PARP11: variants seen among roughly 807,000 people sequenced by gnomAD.
PARP11 encodes poly(ADP-ribose) polymerase family member 11.
In PARP11, 31 loss-of-function variants were observed where a neutral mutation model predicts 42.9. That is an observed-to-expected ratio of 0.72 (90% confidence interval 0.54 to 0.98). PARP11 has a LOEUF of 0.98. Ranked by LOEUF, PARP11 falls within the 50% of genes least tolerant of loss-of-function variation. PARP11 has a pLI of 0.00. For synonymous variants in PARP11, 137 were observed against 127.3 expected, an observed-to-expected ratio of 1.08 and a Z score of -0.51; for missense variants, 365 against 413.1, an observed-to-expected ratio of 0.88 and a Z score of 1.01.
At position 3,828,987 on chromosome 12, in the gene PARP11, T is replaced by G. The variant is rs1382118309; in HGVS notation, c.191A>C (p.Glu64Ala). Residue 64 changes from glutamate (E) to alanine (A), a missense_variant, in exon 3 of 8, where the codon GAA becomes GCA. By Grantham distance (107) the Glu-to-Ala change is moderately radical. Transcript: ENST00000228820. Reference sequence around the variant, plus strand: ...ACAAGGGTTTGTTTTGAAGCTTTTTTCGATATCTTCACTGCTAACTGAACA... The same window carrying G: ...ACAAGGGTTTGTTTTGAAGCTTTTTGCGATATCTTCACTGCTAACTGAACA... ...SQCSVSSEDI[E>A]KSFKTNPCGS... 1 of 1,614,092 alleles carries G rather than the reference T, an allele frequency of 6.2e-7. No homozygotes were observed. The highest frequency in any genetic ancestry group is 8.5e-7 in the Non-Finnish European group (1 of 1,179,938).
intron 1 of PARP11, chr12:3,839,769 G>A (rs1049392238): frequency 2.1e-5 from 24 of 1,133,302 alleles, no homozygotes; most frequent in Non-Finnish European, 3.2e-5. Flanking sequence ...ATCCCGTAAA[G>A]TATAAAGAAA....
intron 1 of PARP11, among the ~76,000 whole-genome samples, chr12:3,835,291 G>A (rs1206551521): frequency 1.3e-5 from 2 of 152,180 alleles, no homozygotes; most frequent in African/African-American, 2.4e-5. Context: ...CAGGTTAAGA[G>A]GGGAAAAGTC....
At chr12:3,869,912 G>A (rs1948445847) in intron 1 of PARP11, among the ~76,000 whole-genome samples, 1 of 152,188 alleles carries the variant, frequency 6.6e-6, no homozygotes, top group African/African-American at 2.4e-5. Flanking sequence ...AAATAAGTGA[G>A]TGACATTACA....
intron 1 of PARP11, among the ~76,000 whole-genome samples, chr12:3,869,381 C>A (rs1277505326): frequency 6.6e-6 from 1 of 152,206 alleles, no homozygotes; most frequent in Admixed American, 6.5e-5. Context: ...CATGACACTT[C>A]CTTCAATGTG....
At chr12:3,855,877 T>A (rs1011456596) in intron 1 of PARP11, among the ~76,000 whole-genome samples, 3 of 152,116 alleles carry the variant, frequency 2.0e-5, no homozygotes, top group Non-Finnish European at 4.4e-5. Context: ...TTTCAAACTA[T>A]ACTAAAAGGC....
At chr12:3,842,079 CA>C in intron 1 of PARP11, 1 of 1,605,070 alleles carries the variant, frequency 6.2e-7, no homozygotes. Context: ...AGATTCTAAA[CA>C]GAGAGAGAGA....
intron 1 of PARP11, among the ~76,000 whole-genome samples, chr12:3,835,685 AAG>A (rs1192478974): frequency 6.6e-6 from 1 of 152,206 alleles, no homozygotes; most frequent in Admixed American, 6.5e-5. Context: ...AATATCAATA[AAG>A]AGAGAAATAA....
chr12:3,855,171 A>G (rs1948168997), intron 1 of PARP11, among the ~76,000 whole-genome samples: 2 of 152,254 alleles, frequency 1.3e-5, no homozygotes, highest in Admixed American at 6.5e-5. Context: ...CCCACAGCCA[A>G]TATCAAACTG....
At chr12:3,843,399 A>G (rs946912374) in intron 1 of PARP11, among the ~76,000 whole-genome samples, 1 of 152,220 alleles carries the variant, frequency 6.6e-6, no homozygotes, top group Non-Finnish European at 1.5e-5. Context: ...GATTCTAAAT[A>G]TTTTGTGAGA....
At chr12:3,828,286 C>T (rs952204764) in intron 3 of PARP11, among the ~76,000 whole-genome samples, 10 of 152,182 alleles carry the variant, frequency 6.6e-5, no homozygotes. Flanking sequence ...AGGTGGCTCA[C>T]GCCTGTAATC....
At chr12:3,862,457 AT>A (rs1490594391) in intron 1 of PARP11, among the ~76,000 whole-genome samples, 1 of 152,072 alleles carries the variant, frequency 6.6e-6, no homozygotes. Context: ...TCTCAAAAAA[AT>A]AAATATATGT....
chr12:3,863,426 A>T (rs1237154031), intron 1 of PARP11, among the ~76,000 whole-genome samples: 3 of 152,106 alleles, frequency 2.0e-5, no homozygotes, highest in Admixed American at 2.0e-4. Context: ...CTTGTTCTTG[A>T]TCTTAGGGAG....
chr12:3,833,760 T>C (rs924791562), intron 1 of PARP11, among the ~76,000 whole-genome samples: 1 of 152,214 alleles, frequency 6.6e-6, no homozygotes, highest in African/African-American at 2.4e-5. Flanking sequence ...CTGTGGCGTT[T>C]GAGTTACAAA....
chr12:3,866,659 AT>A (rs60554748), intron 1 of PARP11, among the ~76,000 whole-genome samples: 31,403 of 152,074 alleles, frequency 0.21, 4,027 homozygotes, highest in East Asian at 0.48. Context: ...CTTTCAGATT[AT>A]TTTTCACACA....
intron 1 of PARP11, among the ~76,000 whole-genome samples, chr12:3,834,084 C>T (rs998826951): frequency 6.6e-6 from 1 of 152,192 alleles, no homozygotes; most frequent in Admixed American, 6.5e-5. Context: ...CCAACTTCCT[C>T]CCAGAGTAGA....
intron 1 of PARP11, among the ~76,000 whole-genome samples, chr12:3,854,943 T>G (rs981321093): frequency 1.3e-5 from 2 of 152,226 alleles, no homozygotes; most frequent in African/African-American, 4.8e-5. Context: ...CACCATCAAG[T>G]TGGCTTCATC....
chr12:3,855,179 CTGAA>C (rs879353219), intron 1 of PARP11, among the ~76,000 whole-genome samples: 4 of 152,182 alleles, frequency 2.6e-5, no homozygotes, highest in Admixed American at 6.5e-5. Context: ...CAATATCAAA[CTGAA>C]TGAGCAAAAA....
chr12:3,854,799 A>C (rs1397294045), intron 1 of PARP11, among the ~76,000 whole-genome samples: 1 of 152,186 alleles, frequency 6.6e-6, no homozygotes, highest in Non-Finnish European at 1.5e-5. Flanking sequence ...CATCACCCTG[A>C]TACCAAAGCC....
intron 1 of PARP11, among the ~76,000 whole-genome samples, chr12:3,836,606 CTACATAAACCAA>C (rs1402734298): frequency 1.3e-5 from 2 of 152,192 alleles, no homozygotes; most frequent in African/African-American, 4.8e-5. Context: ...TTACAAGTAA[CTACATAAACCAA>C]TACATGAACT....
Sources: gnomAD v4.1 joint callset for allele counts (sites outside exome capture counted in the v4.1 genomes callset) on GRCh38, gnomAD v4.1.1 for gene constraint, MANE v1.5 for transcripts, NCBI Gene and HGNC (gene_info 2026-07-23, HGNC 2026-07-21) for gene names.